MFSD11: variants seen among roughly 807,000 people sequenced by gnomAD.
MFSD11 encodes UNC93-like protein MFSD11.
A neutral mutation model predicts 53.5 loss-of-function variants in MFSD11; 36 were observed. That is an observed-to-expected ratio of 0.67 (90% CI 0.52 to 0.89). MFSD11 has a LOEUF of 0.89. MFSD11 is among the 40% of genes least tolerant of loss of function. The pLI, the probability that MFSD11 is intolerant of heterozygous loss-of-function variation, is 0.00. For synonymous variants in MFSD11, 186 were observed against 184.9 expected (o/e 1.01, Z -0.05); for missense variants, 530 against 543.9 (o/e 0.97, Z 0.25).
intron 7 of MFSD11, among the ~76,000 whole-genome samples, chr17:76,750,846 C>G (rs1197608014): frequency 2.0e-5 from 3 of 150,976 alleles, no homozygotes. Flanking sequence ...CTCTCTCACC[C>G]AGGCTGGAGT....
At chr17:76,783,255 G>A (rs1172473868), downstream of MFSD11, among the ~76,000 whole-genome samples, 1 of 152,096 alleles carries the variant, frequency 6.6e-6, no homozygotes, top group Non-Finnish European at 1.5e-5. Context: ...TTGTAGCTAA[G>A]TAAATGCTGT....
rs1450347109 is a variant in MFSD11 at position 76,746,428 on chromosome 17, C to T, written c.641+1962C>T. ...AGATCTGGCCATTATAATTGACAAACGTAGCTGCACTAAACAACAGGTTTT... is the reference window on the plus strand; with the variant it reads ...AGATCTGGCCATTATAATTGACAAATGTAGCTGCACTAAACAACAGGTTTT... On this transcript the variant is annotated intron_variant, in intron 7 of 12. Transcript: ENST00000685175. Among the ~76,000 whole-genome samples the T allele has an allele frequency of 5.9e-5, 9 of 152,334 alleles. 1 individual carries two copies. The highest frequency in any genetic ancestry group is 4.1e-4 in the South Asian group (2 of 4,828).
intron 8 of MFSD11, among the ~76,000 whole-genome samples, chr17:76,762,152 C>A (rs1208533278): frequency 6.6e-6 from 1 of 152,104 alleles, no homozygotes; most frequent in African/African-American, 2.4e-5. Context: ...TGCACCCATT[C>A]CTCTACTTTG....
rs2078160470 is a variant in MFSD11 at position 76,742,286 on chromosome 17, T to G, written c.437+13T>G. Reference sequence around the variant, plus strand: ...TTCTGCAGTCTAGGTAATTATCCTTTTGAGGTTCAGTCTTTCCTTTTCTTT... The same window carrying G: ...TTCTGCAGTCTAGGTAATTATCCTTGTGAGGTTCAGTCTTTCCTTTTCTTT... On this transcript the variant is annotated intron_variant, in intron 5 of 12. Transcript: ENST00000685175. 6.2e-7 allele frequency: 1 copy of G among 1,602,896 alleles called. No individual in the cohort carries two copies. Among genetic ancestry groups the G allele is most frequent in the African/African-American group, 1.3e-5 (1 of 74,650 alleles).
At chr17:76,772,294 G>A (rs551355268) in intron 10 of MFSD11, among the ~76,000 whole-genome samples, 3 of 151,692 alleles carry the variant, frequency 2.0e-5, no homozygotes, top group African/African-American at 4.8e-5. Context: ...GTGTAGTGGC[G>A]TATGCCTGTC....
At chr17:76,800,207 G>A in the MFSD11 span, among the ~76,000 whole-genome samples, 2 of 151,908 alleles carry the variant, frequency 1.3e-5, no homozygotes, top group Admixed American at 6.6e-5. Flanking sequence ...CACCTGCCTC[G>A]GCCTCCCAAA....
chr17:76,786,383 C>G (rs1303185683), downstream of MFSD11, among the ~76,000 whole-genome samples: 2 of 152,104 alleles, frequency 1.3e-5, no homozygotes, highest in East Asian at 3.9e-4. Flanking sequence ...CTCAAGTGAT[C>G]TGCCCGCCTC....
chr17:76,767,606 T>G (rs1306778771), intron 9 of MFSD11, among the ~76,000 whole-genome samples, 155 bp downstream of exon 9: 1 of 152,232 alleles, frequency 6.6e-6, no homozygotes, highest in Non-Finnish European at 1.5e-5. Flanking sequence ...GTGGCTGGTT[T>G]CCTTCACGTG....
At position 76,776,311 on chromosome 17, in the gene MFSD11, T is replaced by G; in HGVS notation, c.1050-95T>G. ...ATTTTTGTTTCATAGTGTTTACAAC[T>G]TGCAGGTAGAATTCTTTTGTGGGTG... On this transcript the variant is annotated intron_variant, in intron 11 of 12. Coordinates refer to ENST00000685175, the MANE Select transcript of MFSD11 (RefSeq NM_001242532.5). This position sits in a 1 kb window ranked among gnomAD's most constrained non-coding sequence, Gnocchi z 4.2. The G allele has an allele frequency of 3.7e-6, 5 of 1,336,816 alleles. No individual in the cohort carries two copies. In the South Asian group the frequency reaches 5.4e-5, roughly 14 times the overall value. The allele number at this position is 1,336,816 out of a possible 1,614,324, so 82.8% of individuals were successfully genotyped here.
intron 5 of MFSD11, 113 bp downstream of exon 5, chr17:76,742,386 C>T: frequency 1.2e-6 from 1 of 839,358 alleles, no homozygotes. Context: ...GACTTAAGTT[C>T]TAGCTAAATG....
chr17:76,740,818 A>G (rs1358169257), intron 2 of MFSD11, 139 bp from the exon 3 acceptor site: 12 of 608,480 alleles, frequency 2.0e-5, no homozygotes, highest in Non-Finnish European at 2.9e-5. Flanking sequence ...ATTGAATGAT[A>G]TAACTATCAT....
At chr17:76,795,319 C>CAAAA in the MFSD11 span, among the ~76,000 whole-genome samples, 1 of 116,284 alleles carries the variant, frequency 8.6e-6, no homozygotes, top group Admixed American at 9.5e-5. Context: ...CTGTTTCTAC[C>CAAAA]AAAAAAAAAA....
chr17:76,770,046 T>C lies in MFSD11; in HGVS notation c.874+175T>C, dbSNP rs1246338917. Among the ~76,000 whole-genome samples the C allele has an allele frequency of 8.2e-5, 12 of 146,470 alleles. No homozygotes were observed. In the Admixed American group the frequency reaches 8.2e-4, roughly 10 times the overall value. Reference sequence around the variant, plus strand: ...TATTCTTTTTCTTTTTTTTTTTTTTTTTCCAGACAGAGTCTCGCTCTGTCG... The same window carrying C: ...TATTCTTTTTCTTTTTTTTTTTTTTCTTCCAGACAGAGTCTCGCTCTGTCG... On this transcript the variant is annotated intron_variant, in intron 10 of 12. Transcript: ENST00000685175.
downstream of MFSD11, among the ~76,000 whole-genome samples, chr17:76,782,835 T>C (rs906534606): frequency 1.3e-5 from 2 of 152,140 alleles, no homozygotes; most frequent in African/African-American, 2.4e-5. Flanking sequence ...TTTAGATGAC[T>C]GGATAACATT....
chr17:76,801,130 G>A, the MFSD11 span, among the ~76,000 whole-genome samples: 2 of 151,558 alleles, frequency 1.3e-5, no homozygotes, highest in Admixed American at 6.6e-5. Flanking sequence ...GGTGCCTCAC[G>A]TCTGTAATCC....
chr17:76,799,958 T>TC, the MFSD11 span, among the ~76,000 whole-genome samples: 4 of 135,214 alleles, frequency 3.0e-5, no homozygotes, highest in African/African-American at 8.9e-5. Context: ...CTTTTTCCTT[T>TC]TTTTTTTTTT....
rs1244104043 is a variant in MFSD11, at chr17:76,741,792, AAATT to A, written c.261-166_261-163del. ...AATGGAGTGAGACCCTGTCTCAAAA[AAATT>A]AATTAATTAAGAAATGAGAAAGTTG... On this transcript the variant is annotated intron_variant, in intron 3 of 12. Coordinates refer to ENST00000685175, the MANE Select transcript of MFSD11 (RefSeq NM_001242532.5). 17 of 567,688 alleles carry A rather than the reference AAATT, an allele frequency of 3.0e-5. No homozygotes were observed. In the East Asian group the frequency reaches 7.2e-4, roughly 24 times the overall value. The allele number at this position is 567,688 out of a possible 1,614,324, so 35.2% of individuals were successfully genotyped here. A position where few individuals can be genotyped will look rare whatever the true frequency, so the allele number is the denominator to read the frequency against.
chr17:76,803,085 G>C, the MFSD11 span, among the ~76,000 whole-genome samples: 1 of 152,154 alleles, frequency 6.6e-6, no homozygotes, highest in Non-Finnish European at 1.5e-5. Context: ...GAACCCGGGA[G>C]GCAGAGGTTG....
rs573137937 is a variant in MFSD11 at position 76,738,153 on chromosome 17, A to G, written c.-200A>G. 659 of 603,208 alleles carry G rather than the reference A, an allele frequency of 1.1e-3. 1 individual carries two copies. The highest frequency in any genetic ancestry group is 1.7e-3 in the Non-Finnish European group (583 of 341,412). The allele number at this position is 603,208 out of a possible 1,614,324, so 37.4% of individuals were successfully genotyped here. On this transcript the variant is annotated 5_prime_UTR_variant, in exon 1 of 13. Coordinates refer to ENST00000685175, the MANE Select transcript of MFSD11 (RefSeq NM_001242532.5). ...CGTACTCGGATCGCTTCTTAGGAGT[A>G]TCCTAACTGCCGGTGGGGAGAACTT...
Sources: allele counts gnomAD v4.1 joint callset (sites outside exome capture counted in the v4.1 genomes callset), GRCh38; gene constraint gnomAD v4.1.1; non-coding constraint Gnocchi (gnomAD v3.1); transcripts MANE v1.5; gene names NCBI Gene and HGNC (gene_info 2026-07-23, HGNC 2026-07-21).